The following SHANK2 variants were observed in gnomAD, a reference collection of about 807,000 sequenced individuals.
SHANK2 encodes SH3 and multiple ankyrin repeat domains 2, also known as SH3 and multiple ankyrin repeat domains protein 2.
In SHANK2, 43 loss-of-function variants were observed where a neutral mutation model predicts 133.7. The ratio of observed to expected loss-of-function variants is 0.32; its 90% CI spans 0.25 to 0.41. The LOEUF is 0.41. SHANK2 is among the 10% of genes least tolerant of loss of function. SHANK2 has a pLI of 1.00. For synonymous variants in SHANK2, 1,017 were observed against 952.8 expected, an observed-to-expected ratio of 1.07 and a Z score of -1.24; for missense variants, 1,994 against 2,235.8, an observed-to-expected ratio of 0.89 and a Z score of 2.18.
chr11:70,681,998 G>C (rs1945038941), intron 15 of SHANK2, among the ~76,000 whole-genome samples: 1 of 152,260 alleles, frequency 6.6e-6, no homozygotes, highest in Admixed American at 6.5e-5. Context: ...CCCAGGCAAG[G>C]GGCTGCGGCT....
chr11:70,546,269 G>A (rs938493723), intron 17 of SHANK2, among the ~76,000 whole-genome samples: 2 of 151,926 alleles, frequency 1.3e-5, no homozygotes, highest in Non-Finnish European at 2.9e-5. Context: ...CTTAGGTACA[G>A]CTGATTAATC....
intron 2 of SHANK2, among the ~76,000 whole-genome samples, chr11:71,148,084 G>GTTT (rs200702145): frequency 1.4e-5 from 2 of 140,418 alleles, no homozygotes; most frequent in South Asian, 2.3e-4. Flanking sequence ...AAGGCTTCTT[G>GTTT]TTTTTTTTTT....
chr11:70,768,844 T>A (rs1947182848), intron 14 of SHANK2, among the ~76,000 whole-genome samples: 1 of 151,906 alleles, frequency 6.6e-6, no homozygotes. Context: ...GCTTCCAAGG[T>A]TCTCACCCTG....
In SHANK2 at chr11:70,659,764, C is replaced by T. The variant is rs139708867; in HGVS notation, c.2061+64G>A. The T allele has an allele frequency of 1.4e-4, 217 of 1,605,462 alleles. No individual in the cohort carries two copies. In the African/African-American group the frequency reaches 1.9e-3, roughly 14 times the overall value. ...CCTCGTGGCTGTGCTGCCAGGACTA[C>T]GACCCTCTCCCCGAGAGTCGGCGCT... On this transcript the variant is annotated intron_variant, in intron 17 of 25. Transcript: ENST00000601538.
rs1555159172 is a variant in SHANK2, at chr11:70,502,860, G to A, written c.2133C>T (p.His711=). ...TCACCGTGACCACCTTAAGGACCAGGTGATTCCCTCCCTGCCGGATCATGT... is the reference window on the plus strand; with the variant it reads ...TCACCGTGACCACCTTAAGGACCAGATGATTCCCTCCCTGCCGGATCATGT... The part of the protein sequence containing the change: ...VVNMIRQGGN[H]LVLKVVTVTR... The change falls in exon 18 of 26, where the codon CAC becomes CAT. Residue 711 remains histidine (H), a synonymous_variant. Coordinates refer to ENST00000601538, the MANE Select transcript of SHANK2 (RefSeq NM_012309.5). The A allele has an allele frequency of 1.2e-6, 2 of 1,613,666 alleles. No homozygotes were observed. Among genetic ancestry groups the A allele is most frequent in the South Asian group, 1.1e-5 (1 of 91,078 alleles).
chr11:71,193,666 C>T (rs116083579), intron 2 of SHANK2, among the ~76,000 whole-genome samples: 6 of 152,164 alleles, frequency 3.9e-5, no homozygotes, highest in African/African-American at 7.2e-5. Context: ...GGCACCTGCA[C>T]GAGTTGGCCA....
intron 17 of SHANK2, among the ~76,000 whole-genome samples, chr11:70,587,698 G>GTTT (rs34539549): frequency 0.016 from 1,936 of 119,692 alleles, 90 homozygotes; most frequent in African/African-American, 0.057. Context: ...AGCACGTCCA[G>GTTT]TTTTTTTTTT....
Position 70,672,060 on chromosome 11 carries a change from C to CTTTTTTTTT in SHANK2, c.1854-10383_1854-10382insAAAAAAAAA, listed in dbSNP as rs201865483. Among the ~76,000 whole-genome samples the CTTTTTTTTT allele has an allele frequency of 1.2e-4, 14 of 120,918 alleles. 3 individuals carry two copies. Among genetic ancestry groups the CTTTTTTTTT allele is most frequent in the African/African-American group, 2.4e-4 (8 of 33,088 alleles). The allele number at this position is 120,918 out of a possible 152,430, so 79.3% of individuals were successfully genotyped here. ...CAGATCCCCACCATACTTTTCTTTTCTTTTTCTTTTTTTTTTTTTTTTAGA... is the reference window on the plus strand; with the variant it reads ...CAGATCCCCACCATACTTTTCTTTTCTTTTTTTTTTTTTTCTTTTTTTTTTTTTTTTAGA... On this transcript the variant is annotated intron_variant, in intron 15 of 25. Coordinates refer to ENST00000601538, the MANE Select transcript of SHANK2 (RefSeq NM_012309.5).
chr11:70,551,262 C>T (rs1466007086), intron 17 of SHANK2, among the ~76,000 whole-genome samples: 1 of 152,148 alleles, frequency 6.6e-6, no homozygotes, highest in Non-Finnish European at 1.5e-5. Context: ...GGCTCTTTCC[C>T]GAGGCCTTGA....
chr11:70,865,376 G>T (rs1382740427), intron 11 of SHANK2, among the ~76,000 whole-genome samples: 1 of 152,274 alleles, frequency 6.6e-6, no homozygotes, highest in East Asian at 1.9e-4. Flanking sequence ...GCCTCACAAA[G>T]AATCTAGAGC....
At chr11:70,876,279 T>TACACACACAC (rs1949563058) in intron 11 of SHANK2, among the ~76,000 whole-genome samples, 2 of 16,732 alleles carry the variant, frequency 1.2e-4, no homozygotes, top group South Asian at 2.0e-3. Context: ...CACACACACT[T>TACACACACAC]GGCTGGGTGC....
intron 6 of SHANK2, among the ~76,000 whole-genome samples, chr11:71,095,923 GC>G: frequency 6.9e-6 from 1 of 144,062 alleles, no homozygotes; most frequent in Non-Finnish European, 1.5e-5. Flanking sequence ...CAACTAGGAT[GC>G]TGTGTGTAGA....
intron 14 of SHANK2, among the ~76,000 whole-genome samples, chr11:70,766,839 T>A (rs1555041527): frequency 6.6e-6 from 1 of 152,270 alleles, no homozygotes; most frequent in Non-Finnish European, 1.5e-5. Context: ...AGTAGGCTGC[T>A]GGAAGAGCTC....
At chr11:71,231,915 T>C (rs1331307607) in intron 1 of SHANK2, among the ~76,000 whole-genome samples, 1 of 151,544 alleles carries the variant, frequency 6.6e-6, no homozygotes, top group African/African-American at 2.4e-5. Flanking sequence ...CAAAGAAACC[T>C]ATACACTAAT....
At chr11:71,064,340 G>A (rs1225866873) in intron 9 of SHANK2, among the ~76,000 whole-genome samples, 1 of 152,184 alleles carries the variant, frequency 6.6e-6, no homozygotes, top group African/African-American at 2.4e-5. Context: ...GAGAGAGCCT[G>A]GGGACAGCTG....
intron 4 of SHANK2, among the ~76,000 whole-genome samples, chr11:71,117,570 C>G (rs1274392722): frequency 6.6e-6 from 1 of 150,744 alleles, no homozygotes; most frequent in Admixed American, 6.6e-5. Context: ...TGCTGACTGG[C>G]AGGATGGAGT....
chr11:71,106,433 T>C (rs1056097032), intron 6 of SHANK2, among the ~76,000 whole-genome samples: 3 of 151,968 alleles, frequency 2.0e-5, no homozygotes, highest in Non-Finnish European at 4.4e-5. Context: ...GAGACCCCCA[T>C]CTCTACAAAA....
intron 17 of SHANK2, among the ~76,000 whole-genome samples, chr11:70,622,372 A>C (rs1591661812): frequency 3.0e-5 from 4 of 135,518 alleles, no homozygotes; most frequent in South Asian, 2.3e-4. Flanking sequence ...AGTCCTCTCC[A>C]CCCCGGTGTT....
intron 17 of SHANK2, among the ~76,000 whole-genome samples, chr11:70,560,842 G>C (rs1347645002): frequency 2.0e-5 from 3 of 152,122 alleles, no homozygotes; most frequent in Non-Finnish European, 4.4e-5. Flanking sequence ...TGTTGAACCA[G>C]GCTGGTCTCA....
Sources: allele counts gnomAD v4.1 joint callset (sites outside exome capture counted in the v4.1 genomes callset), GRCh38; gene constraint gnomAD v4.1.1; transcripts MANE v1.5; gene names NCBI Gene and HGNC (gene_info 2026-07-23, HGNC 2026-07-21).